ZNF837: variants seen among roughly 807,000 people sequenced by gnomAD.
ZNF837 encodes zinc finger protein 837.
For missense variants in ZNF837, 955 were observed against 801.7 expected, an observed-to-expected ratio of 1.19 and a Z score of -2.31; for synonymous variants, 475 against 365.2, an observed-to-expected ratio of 1.30 and a Z score of -3.43.
Position 58,368,519 on chromosome 19 carries a change from C to G in ZNF837, c.814G>C (p.Ala272Pro). Residue 272 changes from alanine to proline, a missense_variant, in exon 3 of 3, where the codon GCT becomes CCT. Coordinates refer to ENST00000597582, the MANE Select transcript of ZNF837 (RefSeq NM_138466.2). ...VPDPPAQRLY[A>P]CDECGKAFTR... The stretch of plus-strand genomic sequence containing the variant: ...AAGGCCTTGCCGCACTCGTCGCAAG[C>G]GTACAGTCGCTGGGCCGGGGGGTCG... 6.5e-7 allele frequency: 1 copy of G among 1,544,998 alleles called. No homozygotes were observed. Among genetic ancestry groups the G allele is most frequent in the Non-Finnish European group, 8.7e-7 (1 of 1,146,036 alleles).
rs1057007414 is a variant in ZNF837, at chr19:58,368,982, G to C, written c.351C>G (p.Ser117Arg). 11 of 1,528,264 alleles carry C rather than the reference G, an allele frequency of 7.2e-6. No individual in the cohort carries two copies. The African/African-American group carries it at 1.1e-4, about 15-fold the overall frequency. 94.7% of individuals were successfully genotyped at this position (1,528,264 alleles called of 1,614,324 possible). The part of the protein sequence containing the change: ...GLQAREGPCR[S>R]PARGGDCSRN... The stretch of plus-strand genomic sequence containing the variant: ...TGCTGCAGTCCCCGCCACGCGCTGG[G>C]CTCCTACAGGGGCCCTCCCGGGCTT... Residue 117 changes from serine to arginine, a missense_variant, in exon 3 of 3, where the codon AGC (serine) becomes AGG (arginine). Ser to Arg is a moderately radical substitution (Grantham distance 110). Transcript: ENST00000597582.
At chr19:58,372,872 C>G (rs2052213722) in intron 1 of ZNF837, among the ~76,000 whole-genome samples, 1 of 152,174 alleles carries the variant, frequency 6.6e-6, no homozygotes, top group Non-Finnish European at 1.5e-5. Context: ...TTTGAAGCAG[C>G]CAGGCCCGGT....
At chr19:58,379,997 AAACAACAACAAC>A (rs72009505) in intron 1 of ZNF837, among the ~76,000 whole-genome samples, 16 of 143,596 alleles carry the variant, frequency 1.1e-4, no homozygotes, top group African/African-American at 3.7e-4. Context: ...CTCCGTCTCA[AAACAACAACAAC>A]AACAACAACA....
intron 1 of ZNF837, among the ~76,000 whole-genome samples, chr19:58,374,958 T>TACAC (rs35539779): frequency 3.4e-5 from 5 of 146,640 alleles, no homozygotes; most frequent in African/African-American, 7.6e-5. Flanking sequence ...TATATATATA[T>TACAC]ACACACACAC....
At chr19:58,380,385 A>AG (rs1008509680) in intron 1 of ZNF837, among the ~76,000 whole-genome samples, 3 of 152,200 alleles carry the variant, frequency 2.0e-5, no homozygotes, top group African/African-American at 7.2e-5. Context: ...TAGTGAGTGA[A>AG]GGAGGGGACC....
chr19:58,371,153 C>A (rs1420496221), intron 1 of ZNF837, among the ~76,000 whole-genome samples: 23 of 148,318 alleles, frequency 1.6e-4, no homozygotes, highest in Non-Finnish European at 3.4e-4. Context: ...CGGCAGGAGA[C>A]TGGTGTGAAC....
chr19:58,368,289 G>A lies in ZNF837; in HGVS notation c.1044C>T (p.Ser348=), dbSNP rs1467623089. The A allele has an allele frequency of 1.4e-6, 2 of 1,480,802 alleles. No individual in the cohort carries two copies. Among genetic ancestry groups the A allele is most frequent in the Non-Finnish European group, 1.8e-6 (2 of 1,123,592 alleles). The allele number at this position is 1,480,802 out of a possible 1,614,324, so 91.7% of individuals were successfully genotyped here. A position where few individuals can be genotyped will look rare whatever the true frequency, so the allele number is the denominator to read the frequency against. Residue 348 remains serine, a synonymous_variant, in exon 3 of 3, where the codon AGC becomes AGT. Transcript: ENST00000597582. ...CCGACCCCCGTCGGGGACTCCGCTC[G>A]CTGTAGTCCCCGCAGGGCGGGCACC... is the stretch of plus-strand genomic sequence containing the variant. ...RLGCPPCGDY[S]ERSPRRGSGA...
intron 1 of ZNF837, among the ~76,000 whole-genome samples, chr19:58,372,029 C>CTTTA (rs556352915): frequency 6.6e-6 from 1 of 151,420 alleles, no homozygotes; most frequent in Admixed American, 6.6e-5. Context: ...CCAGATATCC[C>CTTTA]TTTATTTATT....
At chr19:58,375,392 C>A (rs1246310292) in intron 1 of ZNF837, among the ~76,000 whole-genome samples, 1 of 144,200 alleles carries the variant, frequency 6.9e-6, no homozygotes, top group Non-Finnish European at 1.5e-5. Context: ...TAAAACCCAA[C>A]CTGAATTGTA....
rs944577498 is a variant in ZNF837 at position 58,367,781 on chromosome 19, G to C, written c.1552C>G (p.Leu518Val). ...CGRAFSQRSN[L>V]NEHRKRHGGR... ...CCGTGCCGCTTCCGGTGCTCGTTGA[G>C]GTTGGAGCGTTGGCTGAAGGCGCGG... The change falls in exon 3 of 3, where the codon CTC becomes GTC. Residue 518 changes from leucine to valine, a missense_variant. Coordinates refer to ENST00000597582, the MANE Select transcript of ZNF837 (RefSeq NM_138466.2). 3.3e-6 allele frequency: 5 copies of C among 1,535,964 alleles called. No homozygotes were observed. In the African/African-American group the frequency reaches 6.9e-5, roughly 21 times the overall value.
intron 1 of ZNF837, among the ~76,000 whole-genome samples, chr19:58,374,466 A>G (rs2052225412): frequency 6.6e-6 from 1 of 152,192 alleles, no homozygotes; most frequent in African/African-American, 2.4e-5. Flanking sequence ...TTTATACGAT[A>G]TATCCAGAAT....
intron 1 of ZNF837, among the ~76,000 whole-genome samples, chr19:58,372,169 C>T: frequency 6.6e-6 from 1 of 152,122 alleles, no homozygotes; most frequent in Non-Finnish European, 1.5e-5. Flanking sequence ...ATTCTCCTGC[C>T]TAAGCCTCCT....
Position 58,377,756 on chromosome 19 carries a change from C to T in ZNF837, c.-140+3185G>A, listed in dbSNP as rs1440824496. On this transcript the variant is annotated intron_variant, in intron 1 of 2. Coordinates refer to ENST00000597582, the MANE Select transcript of ZNF837 (RefSeq NM_138466.2). The stretch of plus-strand genomic sequence containing the variant: ...ACACCCAAGGGCACTGCTGCCACCA[C>T]ATGGGAAGTTGTGACGGGAGGGAGG... Among the ~76,000 whole-genome samples the T allele has an allele frequency of 2.6e-5, 4 of 152,226 alleles. No individual in the cohort carries two copies. In the South Asian group the frequency reaches 6.2e-4, roughly 24 times the overall value.
At chr19:58,373,432 G>A (rs1375038412) in intron 1 of ZNF837, among the ~76,000 whole-genome samples, 1 of 152,224 alleles carries the variant, frequency 6.6e-6, no homozygotes, top group African/African-American at 2.4e-5. Context: ...CCGTGGCCTG[G>A]ACTGTGCACA....
At chr19:58,373,731 A>G (rs1236029404) in intron 1 of ZNF837, among the ~76,000 whole-genome samples, 1 of 152,368 alleles carries the variant, frequency 6.6e-6, no homozygotes, top group East Asian at 1.9e-4. Flanking sequence ...CCGTCCCAAC[A>G]GCAGGTGGAC....
At position 58,368,911 on chromosome 19, in the gene ZNF837, G is replaced by A. The variant is rs1292820266; in HGVS notation, c.422C>T (p.Thr141Met). The A allele has an allele frequency of 1.3e-6, 2 of 1,547,966 alleles. No homozygotes were observed. The highest frequency in any genetic ancestry group is 1.7e-6 in the Non-Finnish European group (2 of 1,146,068). Residue 141 changes from threonine (T) to methionine (M), a missense_variant, in exon 3 of 3, where the codon ACG becomes ATG. By Grantham distance (81) the Thr-to-Met change is moderately conservative. Coordinates refer to ENST00000597582, the MANE Select transcript of ZNF837 (RefSeq NM_138466.2). ...CGGACAGGGGTCACACACGGGTGGCGTCTCCCCAGCGGGCGCCCCGCGATG... is the reference window on the plus strand; with the variant it reads ...CGGACAGGGGTCACACACGGGTGGCATCTCCCCAGCGGGCGCCCCGCGATG... ...AWHRGAPAGETPPVCDPCPER... is the reference protein window; with the variant it reads ...AWHRGAPAGEMPPVCDPCPER...
Position 58,367,811 on chromosome 19 carries a change from A to G in ZNF837, c.1522T>C (p.Cys508Arg). Residue 508 changes from cysteine to arginine, a missense_variant, in exon 3 of 3, where the codon TGC becomes CGC. Cys to Arg is a radical substitution (Grantham distance 180). Transcript: ENST00000597582. ...GAGCGTTGGCTGAAGGCGCGGCCGC[A>G]ATCTCCGCACGCGTAGGGCCGCTCG... ...TGERPYACGD[C>R]GRAFSQRSNL... 6.5e-7 allele frequency: 1 copy of G among 1,536,540 alleles called. No individual in the cohort carries two copies. The highest frequency in any genetic ancestry group is 1.2e-5 in the South Asian group (1 of 84,004).
rs1244037198 is a variant in ZNF837, at chr19:58,368,958, G to A, written c.375C>T (p.Ser125=). The A allele has an allele frequency of 1.3e-6, 2 of 1,540,288 alleles. No individual in the cohort carries two copies. Among genetic ancestry groups the A allele is most frequent in the East Asian group, 4.9e-5 (2 of 40,662 alleles). ...CRSPARGGDC[S]RNSCLAWHRG... ...GATGCCACGCCAGGCAGGAGTTCCTGCTGCAGTCCCCGCCACGCGCTGGGC... is the reference window on the plus strand; with the variant it reads ...GATGCCACGCCAGGCAGGAGTTCCTACTGCAGTCCCCGCCACGCGCTGGGC... The change falls in exon 3 of 3, where the codon AGC becomes AGT. Residue 125 remains serine (S), a synonymous_variant. Coordinates refer to ENST00000597582, the MANE Select transcript of ZNF837 (RefSeq NM_138466.2).
In ZNF837 at chr19:58,368,697, C is replaced by A; in HGVS notation, c.636G>T (p.Arg212=). 6.5e-7 allele frequency: 1 copy of A among 1,533,902 alleles called. No individual in the cohort carries two copies. The highest frequency in any genetic ancestry group is 8.7e-7 in the Non-Finnish European group (1 of 1,145,158). Residue 212 remains arginine, a synonymous_variant, in exon 3 of 3, where the codon CGG becomes CGT. Transcript: ENST00000597582. ...CGEAFAWRAL[R]IPQERLQATE... is the part of the protein sequence containing the mutation. ...TCGCCTGCAGCCTCTCCTGGGGGATCCGCAGGGCCCTCCACGCAAAGGCCT... is the reference window on the plus strand; with the variant it reads ...TCGCCTGCAGCCTCTCCTGGGGGATACGCAGGGCCCTCCACGCAAAGGCCT...
Sources: gnomAD v4.1 joint callset for allele counts (sites outside exome capture counted in the v4.1 genomes callset) on GRCh38, gnomAD v4.1.1 for gene constraint, MANE v1.5 for transcripts, NCBI Gene and HGNC (gene_info 2026-07-23, HGNC 2026-07-21) for gene names.